Variants in EXT1 observed in about 807,000 individuals in gnomAD.
EXT1 encodes exostosin-1.
A neutral mutation model predicts 82.5 loss-of-function variants in EXT1; 20 were observed. That is an observed-to-expected ratio of 0.24 (90% CI 0.17 to 0.35). EXT1 has a LOEUF of 0.35. Ranked by LOEUF, EXT1 falls within the 10% of genes least tolerant of loss-of-function variation. The pLI, the probability that EXT1 is intolerant of heterozygous loss-of-function variation, is 1.00. For missense variants in EXT1, 757 were observed against 936.5 expected (o/e 0.81, Z 2.50); for synonymous variants, 348 against 350.8 (o/e 0.99, Z 0.09).
chr8:118,088,738 T>C (rs1817472779), intron 1 of EXT1, among the ~76,000 whole-genome samples: 2 of 152,038 alleles, frequency 1.3e-5, no homozygotes, highest in Non-Finnish European at 2.9e-5. Context: ...GATCAAATCA[T>C]GGTAAAACCC....
intron 1 of EXT1, among the ~76,000 whole-genome samples, chr8:117,890,754 G>A (rs1813228649): frequency 6.6e-6 from 1 of 152,270 alleles, no homozygotes; most frequent in South Asian, 2.1e-4. Flanking sequence ...GCAAGTTCAA[G>A]GTAGCAGGTC....
At chr8:118,058,769 T>A (rs931293459) in intron 1 of EXT1, among the ~76,000 whole-genome samples, 1 of 152,174 alleles carries the variant, frequency 6.6e-6, no homozygotes, top group East Asian at 1.9e-4. Flanking sequence ...TAGGTATAGA[T>A]CTACAGAAAA....
At chr8:117,947,572 C>T (rs189081639) in intron 1 of EXT1, among the ~76,000 whole-genome samples, 12 of 152,224 alleles carry the variant, frequency 7.9e-5, no homozygotes, top group Non-Finnish European at 1.6e-4. Context: ...CTTCACAATG[C>T]GGATAACTTG....
At chr8:118,109,230 G>A (rs983092566) in intron 1 of EXT1, among the ~76,000 whole-genome samples, 3 of 151,994 alleles carry the variant, frequency 2.0e-5, no homozygotes, top group Non-Finnish European at 4.4e-5. Flanking sequence ...ACTACAGAGG[G>A]TAAGGAGGCA....
At chr8:118,094,687 G>A (rs1817578788) in intron 1 of EXT1, among the ~76,000 whole-genome samples, 2 of 152,206 alleles carry the variant, frequency 1.3e-5, no homozygotes, top group Admixed American at 6.5e-5. Flanking sequence ...CGGAAACAGG[G>A]AAGCTGACCA....
At chr8:117,871,159 A>G (rs939555772) in intron 1 of EXT1, among the ~76,000 whole-genome samples, 5 of 152,226 alleles carry the variant, frequency 3.3e-5, no homozygotes, top group African/African-American at 1.2e-4. Context: ...GTTTAGTTTT[A>G]GCTGTATTCT....
intron 8 of EXT1, among the ~76,000 whole-genome samples, chr8:117,811,860 C>T (rs1020509392): frequency 1.3e-5 from 2 of 152,128 alleles, no homozygotes; most frequent in Non-Finnish European, 2.9e-5. Context: ...GTGGTCTGCC[C>T]GCCTCAGCCT....
chr8:117,841,986 C>G (rs542473710), intron 1 of EXT1, among the ~76,000 whole-genome samples: 18 of 152,170 alleles, frequency 1.2e-4, no homozygotes, highest in Admixed American at 6.5e-4. Flanking sequence ...CATCTGGGAA[C>G]TTGGTAGAAA....
At chr8:117,834,524 G>T (rs1205903393) in intron 3 of EXT1, among the ~76,000 whole-genome samples, 1 of 152,122 alleles carries the variant, frequency 6.6e-6, no homozygotes, top group Non-Finnish European at 1.5e-5. Flanking sequence ...AGAATCGCTT[G>T]AACCTGGGAG....
intron 1 of EXT1, among the ~76,000 whole-genome samples, chr8:118,045,186 T>C (rs1392521857): frequency 6.6e-6 from 1 of 152,168 alleles, no homozygotes; most frequent in African/African-American, 2.4e-5. Flanking sequence ...CCAGCGTTAG[T>C]AAATGTCTCA....
intron 1 of EXT1, among the ~76,000 whole-genome samples, chr8:117,952,813 C>T (rs1814517746): frequency 6.6e-6 from 1 of 151,970 alleles, no homozygotes; most frequent in East Asian, 1.9e-4. Flanking sequence ...TTCTTTTCCC[C>T]ACTTTCAGTT....
At chr8:117,869,839 T>G (rs1812840261) in intron 1 of EXT1, among the ~76,000 whole-genome samples, 1 of 152,116 alleles carries the variant, frequency 6.6e-6, no homozygotes, top group African/African-American at 2.4e-5. Context: ...CATATATATC[T>G]CCTTGAAATA....
intron 1 of EXT1, among the ~76,000 whole-genome samples, chr8:118,046,536 CAAACCAAGGCAGTG>C (rs1406874769): frequency 6.6e-6 from 1 of 152,086 alleles, no homozygotes; most frequent in Non-Finnish European, 1.5e-5. Flanking sequence ...GGCAGGAACT[CAAACCAAGGCAGTG>C]ACTGCAGAGC....
intron 1 of EXT1, among the ~76,000 whole-genome samples, chr8:117,860,082 G>A (rs540479531): frequency 1.4e-5 from 2 of 142,770 alleles, no homozygotes; most frequent in Non-Finnish European, 3.0e-5. Flanking sequence ...GGGAGGCGGA[G>A]GTTGCAGTGA....
intron 1 of EXT1, among the ~76,000 whole-genome samples, chr8:118,001,601 A>C (rs1278985858): frequency 6.6e-6 from 1 of 152,208 alleles, no homozygotes; most frequent in Non-Finnish European, 1.5e-5. Flanking sequence ...AAAAATAAGA[A>C]GAATAAGATT....
intron 1 of EXT1, among the ~76,000 whole-genome samples, chr8:117,981,586 G>A (rs1170149815): frequency 6.6e-6 from 1 of 152,152 alleles, no homozygotes; most frequent in Non-Finnish European, 1.5e-5. Flanking sequence ...GCTGGGCATG[G>A]TGGCTCATGG....
At chr8:117,982,276 C>T (rs943133803) in intron 1 of EXT1, among the ~76,000 whole-genome samples, 2 of 152,144 alleles carry the variant, frequency 1.3e-5, no homozygotes, top group African/African-American at 4.8e-5. Context: ...TCCTGCCCAT[C>T]AGTCAGGGTC....
chr8:117,974,275 G>A (rs1381056960), intron 1 of EXT1, among the ~76,000 whole-genome samples: 1 of 152,288 alleles, frequency 6.6e-6, no homozygotes, highest in East Asian at 1.9e-4. Flanking sequence ...ATATACAACT[G>A]AAGGCAAAAG....
chr8:117,896,658 C>T (rs1370679757), intron 1 of EXT1, among the ~76,000 whole-genome samples: 1 of 152,212 alleles, frequency 6.6e-6, no homozygotes, highest in Non-Finnish European at 1.5e-5. Flanking sequence ...CCACCTGCTG[C>T]CCCTTCACAC....
Sources: allele counts gnomAD v4.1 joint callset (sites outside exome capture counted in the v4.1 genomes callset), GRCh38; gene constraint gnomAD v4.1.1; transcripts MANE v1.5; gene names NCBI Gene and HGNC (gene_info 2026-07-23, HGNC 2026-07-21).